DPY19L3: variants seen among roughly 807,000 people sequenced by gnomAD.
DPY19L3 encodes the protein dpy-19 like C-mannosyltransferase 3, also known as protein C-mannosyl-transferase DPY19L3.
In DPY19L3, 51 loss-of-function variants were observed where a neutral mutation model predicts 92.3. That is an observed-to-expected ratio of 0.55 (90% CI 0.44 to 0.70). The LOEUF is 0.70. Ranked by LOEUF, DPY19L3 falls within the 30% of genes least tolerant of loss-of-function variation. DPY19L3 has a pLI of 0.00. For synonymous variants in DPY19L3, 309 were observed against 315.2 expected (o/e 0.98, Z 0.21); for missense variants, 706 against 855.9 (o/e 0.82, Z 2.18).
chr19:32,461,298 A>G (rs926862761), intron 12 of DPY19L3, among the ~76,000 whole-genome samples: 1 of 152,136 alleles, frequency 6.6e-6, no homozygotes, highest in African/African-American at 2.4e-5. Flanking sequence ...GCCAGATACT[A>G]TGACTTTTAT....
chr19:32,424,191 G>A (rs1299107543), intron 3 of DPY19L3, among the ~76,000 whole-genome samples: 4 of 151,756 alleles, frequency 2.6e-5, no homozygotes, highest in African/African-American at 9.7e-5. Flanking sequence ...GTGGTAGTGT[G>A]CACCTGCAGC....
intron 9 of DPY19L3, among the ~76,000 whole-genome samples, chr19:32,453,699 CTT>C (rs1336385395): frequency 6.6e-6 from 1 of 152,036 alleles, no homozygotes; most frequent in East Asian, 1.9e-4. Context: ...TAATGCTACT[CTT>C]TTCCCCATCC....
intron 8 of DPY19L3, among the ~76,000 whole-genome samples, chr19:32,447,943 A>T (rs1183635311): frequency 6.6e-6 from 1 of 152,080 alleles, no homozygotes; most frequent in East Asian, 1.9e-4. Flanking sequence ...ATCTTAACAG[A>T]CTTTGAAAGT....
chr19:32,428,754 T>A lies in DPY19L3; in HGVS notation c.238-3962T>A, dbSNP rs558597482. ...GTGATCATTTATTGTGAGCAGTCAT[T>A]TTTTGTGTGTGTGTACATCTATTAA... On this transcript the variant is annotated intron_variant, in intron 3 of 18. Transcript: ENST00000392250. 3.3e-5 allele frequency among the ~76,000 whole-genome samples: 5 copies of A among 152,322 alleles called. No individual in the cohort carries two copies. In the East Asian group the frequency reaches 9.6e-4, roughly 29 times the overall value.
intron 8 of DPY19L3, among the ~76,000 whole-genome samples, chr19:32,448,117 T>C (rs1969577375): frequency 6.6e-6 from 1 of 152,198 alleles, no homozygotes; most frequent in Admixed American, 6.5e-5. Context: ...ATAAAATGTG[T>C]AAAACAAAGT....
chr19:32,434,061 G>GTTCT (rs1169221959), intron 4 of DPY19L3, among the ~76,000 whole-genome samples: 5 of 152,152 alleles, frequency 3.3e-5, no homozygotes, highest in African/African-American at 1.2e-4. Context: ...AGCAGGCTTA[G>GTTCT]TATTCATTTT....
At chr19:32,441,666 A>C (rs539313717) in intron 8 of DPY19L3, among the ~76,000 whole-genome samples, 153 of 151,824 alleles carry the variant, frequency 1.0e-3, no homozygotes, top group Admixed American at 2.3e-3. Flanking sequence ...CCCGGCTAAT[A>C]TTTGTATTTT....
At chr19:32,480,766 G>A (rs1970650404) in intron 18 of DPY19L3, 1 of 639,644 alleles carries the variant, frequency 1.6e-6, no homozygotes, top group Admixed American at 3.2e-5. Context: ...GGTGAGAGGG[G>A]AGCCCTGGGT....
chr19:32,440,027 T>A, intron 8 of DPY19L3, 117 bp downstream of exon 8: 1 of 1,363,982 alleles, frequency 7.3e-7, no homozygotes, highest in Non-Finnish European at 1.0e-6. Context: ...TTCTTAGATC[T>A]GCTGTAAATT....
intron 18 of DPY19L3, chr19:32,481,039 A>G: frequency 2.9e-6 from 1 of 348,592 alleles, no homozygotes; most frequent in Non-Finnish European, 5.1e-6. Context: ...GTGTTTCCAC[A>G]GGCCGGCTTT....
At chr19:32,467,617 G>A (rs1970237490) in intron 15 of DPY19L3, 2 of 987,608 alleles carry the variant, frequency 2.0e-6, no homozygotes, top group African/African-American at 3.5e-5. Context: ...CACAGCCAGA[G>A]ATCAATCAGG....
At chr19:32,437,370 T>TC in intron 6 of DPY19L3, 31 bp downstream of exon 6, 1 of 1,575,110 alleles carries the variant, frequency 6.3e-7, no homozygotes, top group Non-Finnish European at 8.6e-7. Context: ...TTCTTTTTTT[T>TC]CCAAAATGTA....
chr19:32,414,704 G>C (rs572903033), intron 3 of DPY19L3, among the ~76,000 whole-genome samples: 4 of 152,290 alleles, frequency 2.6e-5, no homozygotes, highest in African/African-American at 7.2e-5. Context: ...TGTGTGAGCA[G>C]ATAGCCCAAA....
chr19:32,456,943 C>A (rs909718836), intron 10 of DPY19L3, among the ~76,000 whole-genome samples: 1 of 152,120 alleles, frequency 6.6e-6, no homozygotes. Flanking sequence ...GGAGGATCGC[C>A]TGAGGCTAGG....
chr19:32,408,357 G>T lies in DPY19L3; in HGVS notation c.103+1G>T. The T allele has an allele frequency of 6.2e-7, 1 of 1,611,114 alleles. No individual in the cohort carries two copies. The highest frequency in any genetic ancestry group is 1.1e-5 in the South Asian group (1 of 90,822). ...AAGTTGGAAAATAAATTGCCATCTG[G>T]TAGGTGATTTAAACTAAAGCAGCAA... On this transcript the variant is annotated splice_donor_variant, in intron 2 of 18. Transcript: ENST00000392250. LOFTEE classifies it high-confidence loss of function.
intron 3 of DPY19L3, among the ~76,000 whole-genome samples, chr19:32,426,910 C>CG (rs1264900479): frequency 1.3e-5 from 2 of 152,160 alleles, no homozygotes; most frequent in Non-Finnish European, 2.9e-5. Context: ...CTGCAAAGGG[C>CG]GGGAAAGTGA....
At chr19:32,465,246 A>G (rs1363054052) in intron 15 of DPY19L3, among the ~76,000 whole-genome samples, 1 of 152,206 alleles carries the variant, frequency 6.6e-6, no homozygotes, top group Non-Finnish European at 1.5e-5. Flanking sequence ...GCTTTTTAAA[A>G]TCTGTTCTTC....
intron 3 of DPY19L3, among the ~76,000 whole-genome samples, chr19:32,428,523 G>A (rs1446397655): frequency 2.0e-5 from 3 of 152,148 alleles, no homozygotes; most frequent in Admixed American, 1.3e-4. Context: ...GAACCACTGG[G>A]ATGCGGGGGA....
chr19:32,465,131 AGACT>A (rs1376802081), intron 15 of DPY19L3, among the ~76,000 whole-genome samples: 7 of 152,364 alleles, frequency 4.6e-5, no homozygotes, highest in African/African-American at 1.7e-4. Context: ...TGATTTATAT[AGACT>A]AAGAGATTTT....
Sources: allele counts gnomAD v4.1 joint callset (sites outside exome capture counted in the v4.1 genomes callset), GRCh38; gene constraint gnomAD v4.1.1; transcripts MANE v1.5; gene names NCBI Gene and HGNC (gene_info 2026-07-23, HGNC 2026-07-21).